The following CR1 variants were observed in gnomAD, a reference collection of about 807,000 sequenced individuals.
The protein encoded by CR1 is complement C3b/C4b receptor 1 (Knops blood group).
A neutral mutation model predicts 187.3 loss-of-function variants in CR1; 116 were observed. The ratio of observed to expected loss-of-function variants is 0.62; its 90% CI spans 0.53 to 0.72. The LOEUF (loss-of-function observed/expected upper bound fraction) is 0.72. Ranked by LOEUF, CR1 falls within the 30% of genes least tolerant of loss-of-function variation. CR1 has a pLI of 0.00. For synonymous variants in CR1, 576 were observed against 747.1 expected, an observed-to-expected ratio of 0.77 and a Z score of 3.73; for missense variants, 1,731 against 2,110.7, an observed-to-expected ratio of 0.82 and a Z score of 3.52.
At chr1:207,573,968 CA>C (rs1179764312) in intron 27 of CR1, among the ~76,000 whole-genome samples, 3 of 151,968 alleles carry the variant, frequency 2.0e-5, no homozygotes, top group African/African-American at 7.3e-5. Context: ...CCCATCTCTA[CA>C]AAAAAGTATA....
At chr1:207,624,553 G>T (rs2102407491) in intron 45 of CR1, among the ~76,000 whole-genome samples, 1 of 152,266 alleles carries the variant, frequency 6.6e-6, no homozygotes, top group East Asian at 1.9e-4. Flanking sequence ...TTAAAAAGTA[G>T]TTTGTCATAG....
chr1:207,498,264 G>A (rs1023308166), intron 1 of CR1, among the ~76,000 whole-genome samples: 2 of 152,198 alleles, frequency 1.3e-5, no homozygotes, highest in African/African-American at 4.8e-5. Flanking sequence ...AAGACTGCAG[G>A]ATCACCGAAA....
intron 3 of CR1, among the ~76,000 whole-genome samples, chr1:207,511,052 G>C (rs2102287705): frequency 6.6e-6 from 1 of 151,994 alleles, no homozygotes; most frequent in East Asian, 1.9e-4. Context: ...GAACTCCTGA[G>C]CTCAAGCAAT....
At chr1:207,502,817 C>A (rs1654808985) in intron 1 of CR1, among the ~76,000 whole-genome samples, 2 of 152,164 alleles carry the variant, frequency 1.3e-5, no homozygotes. Flanking sequence ...GAAAAGGCAA[C>A]CTTAGGAATT....
chr1:207,581,409 T>C (rs890339604), intron 31 of CR1, among the ~76,000 whole-genome samples: 1 of 150,332 alleles, frequency 6.7e-6, no homozygotes, highest in African/African-American at 2.4e-5. Flanking sequence ...TGTATATACA[T>C]ATATATGGAA....
At chr1:207,516,454 T>G (rs1326425977) in intron 4 of CR1, among the ~76,000 whole-genome samples, 1 of 152,240 alleles carries the variant, frequency 6.6e-6, no homozygotes, top group African/African-American at 2.4e-5. Flanking sequence ...ATGTGCATCT[T>G]CAAGATTTAC....
chr1:207,584,519 A>C (rs1661051166), intron 32 of CR1, 130 bp from the exon 33 acceptor site: 1 of 1,111,086 alleles, frequency 9.0e-7, no homozygotes, highest in South Asian at 1.7e-5. Flanking sequence ...TTTATTTTGC[A>C]GTTTCTACTT....
chr1:207,505,006 A>G (rs1659385362), intron 1 of CR1, among the ~76,000 whole-genome samples: 1 of 152,192 alleles, frequency 6.6e-6, no homozygotes, highest in Admixed American at 6.5e-5. Flanking sequence ...CATGCTCCCT[A>G]TGAGAATCTA....
At position 207,619,900 on chromosome 1, in the gene CR1, C is replaced by T; in HGVS notation, c.7087C>T (p.Leu2363=). The change falls in exon 43 of 47, where the codon CTG becomes TTG. Residue 2363 remains leucine, a synonymous_variant. Transcript: ENST00000367049. Reference sequence around the variant, plus strand: ...TTCAGAAGTAAATTGTAGCTTCCCACTGTTTATGAATGGAATCTCGAAGGA... The same window carrying T: ...TTCAGAAGTAAATTGTAGCTTCCCATTGTTTATGAATGGAATCTCGAAGGA... ...YCKEVNCSFP[L]FMNGISKELE... The T allele has an allele frequency of 6.3e-7, 1 of 1,591,108 alleles. No individual in the cohort carries two copies. The highest frequency in any genetic ancestry group is 8.6e-7 in the Non-Finnish European group (1 of 1,168,392).
At chr1:207,573,895 G>A (rs1203017168) in intron 27 of CR1, among the ~76,000 whole-genome samples, 1 of 152,180 alleles carries the variant, frequency 6.6e-6, no homozygotes, top group Admixed American at 6.5e-5. Flanking sequence ...ACACTGAGAG[G>A]CTGAGGCAAG....
intron 4 of CR1, among the ~76,000 whole-genome samples, chr1:207,520,610 T>C (rs1248626763): frequency 6.6e-6 from 1 of 152,208 alleles, no homozygotes; most frequent in Non-Finnish European, 1.5e-5. Context: ...CCATCTTGTG[T>C]TTCTTGTAAT....
rs1368557441 is a variant in CR1, at chr1:207,640,786, T to C, written c.*1377T>C. On this transcript the variant is annotated 3_prime_UTR_variant, in exon 47 of 47. Transcript: ENST00000367049. ...TAATAGCTTTATATATGACTAATGC[T>C]CATTTCTATGTAATTCTGTTTAATA... 1 of 152,200 alleles carries C rather than the reference T, an allele frequency of 6.6e-6. No individual in the cohort carries two copies. The highest frequency in any genetic ancestry group is 2.4e-5 in the African/African-American group (1 of 41,444). 9.4% of individuals were successfully genotyped at this position (152,200 alleles called of 1,614,324 possible). A position where few individuals can be genotyped will look rare whatever the true frequency, so the allele number is the denominator to read the frequency against.
intron 4 of CR1, 34 bp downstream of exon 4, chr1:207,511,688 C>G: frequency 6.3e-7 from 1 of 1,581,264 alleles, no homozygotes; most frequent in Non-Finnish European, 8.7e-7. Context: ...TTTCTTTTAC[C>G]GACACATTCT....
chr1:207,522,680 G>T (rs765406099), intron 4 of CR1, among the ~76,000 whole-genome samples: 1 of 152,138 alleles, frequency 6.6e-6, no homozygotes, highest in Non-Finnish European at 1.5e-5. Context: ...CTTTCTTGAG[G>T]GTGGATGGTT....
chr1:207,510,312 T>C (rs1659572480), intron 3 of CR1, among the ~76,000 whole-genome samples: 1 of 152,244 alleles, frequency 6.6e-6, no homozygotes, highest in East Asian at 1.9e-4. Context: ...GTGCATCAAG[T>C]ATCTTCAAAA....
chr1:207,526,555 T>A (rs1220378131), intron 5 of CR1, among the ~76,000 whole-genome samples, 198 bp from the exon 6 acceptor site: 10 of 151,416 alleles, frequency 6.6e-5, no homozygotes, highest in Non-Finnish European at 1.3e-4. Flanking sequence ...TTAGTCACAG[T>A]TGTGCCACGT....
intron 35 of CR1, among the ~76,000 whole-genome samples, chr1:207,596,380 G>A (rs1057090223): frequency 1.2e-4 from 18 of 152,142 alleles, no homozygotes; most frequent in Admixed American, 5.2e-4. Flanking sequence ...TTGGGAGGCT[G>A]AGGCGGGCAG....
intron 40 of CR1, among the ~76,000 whole-genome samples, chr1:207,616,290 G>GT (rs1279088260): frequency 1.3e-5 from 2 of 152,034 alleles, no homozygotes. Flanking sequence ...CCAAATGGGT[G>GT]TTTTTAAAAA....
intron 4 of CR1, among the ~76,000 whole-genome samples, chr1:207,519,753 G>A (rs558348308): frequency 6.6e-6 from 1 of 152,190 alleles, no homozygotes; most frequent in Non-Finnish European, 1.5e-5. Context: ...TGCAATGGGG[G>A]AAGAGGATTT....
Sources: allele counts gnomAD v4.1 joint callset (sites outside exome capture counted in the v4.1 genomes callset), GRCh38; gene constraint gnomAD v4.1.1; transcripts MANE v1.5; gene names NCBI Gene and HGNC (gene_info 2026-07-23, HGNC 2026-07-21).